Variants in CSMD1 observed in about 807,000 individuals in gnomAD.
CSMD1 encodes the protein CUB and sushi domain-containing protein 1.
CSMD1 carries 213 observed loss-of-function variants against 417.5 expected under a neutral mutation model. The observed-to-expected ratio is 0.51, with a 90% confidence interval of 0.46 to 0.57. The LOEUF (loss-of-function observed/expected upper bound fraction) is 0.57, where lower values mean the gene tolerates loss of function less well. CSMD1 is among the 20% of genes least tolerant of loss of function. CSMD1 has a pLI of 0.00. For synonymous variants in CSMD1, 2,862 were observed against 1,736.8 expected, an observed-to-expected ratio of 1.65 and a Z score of -16.11; for missense variants, 6,923 against 4,529.7, an observed-to-expected ratio of 1.53 and a Z score of -15.17.
intron 2 of CSMD1, among the ~76,000 whole-genome samples, chr8:4,616,255 T>C (rs922352214): frequency 6.6e-6 from 1 of 152,148 alleles, no homozygotes; most frequent in East Asian, 1.9e-4. Context: ...ACAAGAGGAA[T>C]GGTTTACCAA....
chr8:4,561,164 G>C (rs965240131), intron 2 of CSMD1, among the ~76,000 whole-genome samples: 3 of 152,294 alleles, frequency 2.0e-5, no homozygotes, highest in South Asian at 4.2e-4. Flanking sequence ...GAGGTCAGGA[G>C]ATCAAGACCA....
intron 7 of CSMD1, among the ~76,000 whole-genome samples, chr8:3,666,941 TAGAG>T: frequency 6.6e-6 from 1 of 152,306 alleles, no homozygotes; most frequent in Non-Finnish European, 1.5e-5. Flanking sequence ...GTGTAAGAGA[TAGAG>T]AAATAAAAGC....
At chr8:4,416,896 G>A (rs1277833244) in intron 3 of CSMD1, among the ~76,000 whole-genome samples, 1 of 151,970 alleles carries the variant, frequency 6.6e-6, no homozygotes, top group African/African-American at 2.4e-5. Context: ...CTTCAAAACT[G>A]GGCATATCTA....
chr8:3,388,238 G>C (rs569601306), intron 17 of CSMD1, among the ~76,000 whole-genome samples: 10 of 152,244 alleles, frequency 6.6e-5, no homozygotes, highest in African/African-American at 2.4e-4. Context: ...TTTAGTTTAA[G>C]TCAGCCACTT....
At position 4,941,602 on chromosome 8, in the gene CSMD1, A is replaced by ATTT. The variant is rs374080413; in HGVS notation, c.85+52727_85+52729dup. Among the ~76,000 whole-genome samples, 20 of 150,236 alleles carry ATTT rather than the reference A, an allele frequency of 1.3e-4. 1 individual carries two copies. The highest frequency in any genetic ancestry group is 6.3e-4 in the South Asian group (3 of 4,740). On this transcript the variant is annotated intron_variant, in intron 1 of 69. Coordinates refer to ENST00000635120, the MANE Select transcript of CSMD1 (RefSeq NM_033225.6). ...AACAATCAGTTTTTTTTAATTTTTA[A>ATTT]TTTTTATTTTTTTTGAGACAGAGCC... is the stretch of plus-strand genomic sequence containing the variant.
intron 23 of CSMD1, among the ~76,000 whole-genome samples, chr8:3,310,759 G>C (rs188379290): frequency 6.6e-6 from 1 of 151,554 alleles, no homozygotes; most frequent in African/African-American, 2.4e-5. Flanking sequence ...ACAAAGCTGT[G>C]AATGGCAGCG....
At chr8:3,550,507 T>C (rs971340115) in intron 10 of CSMD1, among the ~76,000 whole-genome samples, 1 of 152,188 alleles carries the variant, frequency 6.6e-6, no homozygotes, top group African/African-American at 2.4e-5. Context: ...AATGTTTCCA[T>C]ACATATAAGG....
chr8:4,474,402 G>T (rs1429261462), intron 2 of CSMD1, among the ~76,000 whole-genome samples: 4 of 152,104 alleles, frequency 2.6e-5, no homozygotes, highest in Non-Finnish European at 5.9e-5. Context: ...ACAGAGAATT[G>T]GTCTAAGAAA....
intron 39 of CSMD1, among the ~76,000 whole-genome samples, chr8:3,155,463 G>C (rs1400325491): frequency 1.4e-5 from 2 of 139,828 alleles, no homozygotes; most frequent in African/African-American, 5.4e-5. Context: ...CGCCTCCCAG[G>C]TTCACGCCAT....
At chr8:3,241,434 T>C (rs560305857) in intron 26 of CSMD1, among the ~76,000 whole-genome samples, 16 of 152,234 alleles carry the variant, frequency 1.1e-4, no homozygotes, top group African/African-American at 3.9e-4. Context: ...GCTCGGCATC[T>C]GTGTTGGTCT....
chr8:3,223,122 A>G (rs1294937342), intron 28 of CSMD1, among the ~76,000 whole-genome samples: 1 of 152,216 alleles, frequency 6.6e-6, no homozygotes, highest in East Asian at 1.9e-4. Flanking sequence ...ATTATCATAT[A>G]CCATATACTA....
chr8:4,519,654 G>C (rs1458238133), intron 2 of CSMD1, among the ~76,000 whole-genome samples: 1 of 142,012 alleles, frequency 7.0e-6, no homozygotes, highest in East Asian at 2.1e-4. Context: ...GAGGCAGGAG[G>C]ATCACTTGAA....
intron 3 of CSMD1, among the ~76,000 whole-genome samples, chr8:4,206,698 C>G (rs1800001989): frequency 6.6e-6 from 1 of 151,968 alleles, no homozygotes; most frequent in South Asian, 2.1e-4. Flanking sequence ...GGGTATATAC[C>G]CTGTAATGGG....
rs1040807774 is a variant in CSMD1, at chr8:4,830,084, C to A, written c.85+164248G>T. Among the ~76,000 whole-genome samples the A allele has an allele frequency of 3.9e-5, 6 of 152,166 alleles. No individual in the cohort carries two copies. In the South Asian group the frequency reaches 8.3e-4, roughly 21 times the overall value. Reference sequence around the variant, plus strand: ...CACGTCCTGCCTAGGCCAGGGATACCCAGGTACTGAAGAGCTACATTCTTG... The same window carrying A: ...CACGTCCTGCCTAGGCCAGGGATACACAGGTACTGAAGAGCTACATTCTTG... On this transcript the variant is annotated intron_variant, in intron 1 of 69. Coordinates refer to ENST00000635120, the MANE Select transcript of CSMD1 (RefSeq NM_033225.6).
chr8:4,162,210 TTTAA>T (rs140941297), intron 3 of CSMD1, among the ~76,000 whole-genome samples: 19 of 152,364 alleles, frequency 1.2e-4, no homozygotes, highest in Non-Finnish European at 2.5e-4. Flanking sequence ...ATGCATGTCT[TTTAA>T]TTGTTATGTT....
chr8:4,648,805 C>T (rs915540133), intron 1 of CSMD1, among the ~76,000 whole-genome samples: 1 of 152,150 alleles, frequency 6.6e-6, no homozygotes, highest in African/African-American at 2.4e-5. Context: ...TGATGCCACC[C>T]CACCACTTGT....
intron 3 of CSMD1, among the ~76,000 whole-genome samples, chr8:4,040,225 A>C (rs375513220): frequency 7.9e-5 from 12 of 152,356 alleles, no homozygotes; most frequent in Admixed American, 4.6e-4. Flanking sequence ...TAGCAATAGT[A>C]ATTCCACTTC....
intron 49 of CSMD1, among the ~76,000 whole-genome samples, chr8:3,078,921 A>G (rs10081605): frequency 0.34 from 51,776 of 152,052 alleles, 8,957 homozygotes; most frequent in East Asian, 0.42. Flanking sequence ...CTTAGCTGGC[A>G]GTATGATAAA....
chr8:3,886,030 CAT>C (rs745471742), intron 5 of CSMD1, among the ~76,000 whole-genome samples: 493 of 150,626 alleles, frequency 3.3e-3, no homozygotes, highest in Non-Finnish European at 4.4e-3. Flanking sequence ...TATATACATA[CAT>C]ATATATATAT....
Sources: allele counts gnomAD v4.1 joint callset (sites outside exome capture counted in the v4.1 genomes callset), GRCh38; gene constraint gnomAD v4.1.1; transcripts MANE v1.5; gene names NCBI Gene and HGNC (gene_info 2026-07-23, HGNC 2026-07-21).